PPFIBP2: variants seen among roughly 807,000 people sequenced by gnomAD.
The protein encoded by PPFIBP2 is PPFIB scaffold protein 2, also known as liprin-beta-2.
A neutral mutation model predicts 118.3 loss-of-function variants in PPFIBP2; 118 were observed. The ratio of observed to expected loss-of-function variants is 1.00; its 90% CI spans 0.86 to 1.16. The LOEUF is 1.16. PPFIBP2 is among the 50% of genes most tolerant of loss of function. The pLI is 0.00. For missense variants in PPFIBP2, 1,195 were observed against 1,073.1 expected, an observed-to-expected ratio of 1.11 and a Z score of -1.59; for synonymous variants, 414 against 397.4, an observed-to-expected ratio of 1.04 and a Z score of -0.50.
intron 1 of PPFIBP2, among the ~76,000 whole-genome samples, chr11:7,543,066 A>G (rs1379772694): frequency 6.6e-6 from 1 of 152,218 alleles, no homozygotes; most frequent in African/African-American, 2.4e-5. Flanking sequence ...GGAAGAAAGT[A>G]GTTGTTGGTT....
intron 2 of PPFIBP2, among the ~76,000 whole-genome samples, chr11:7,563,373 C>T (rs1234966787): frequency 6.6e-6 from 1 of 152,158 alleles, no homozygotes; most frequent in Non-Finnish European, 1.5e-5. Context: ...TTTGTAGGAG[C>T]CAGAAAGTGC....
At chr11:7,610,103 C>T (rs762755206) in intron 5 of PPFIBP2, among the ~76,000 whole-genome samples, 188 bp from the exon 6 acceptor site, 3 of 152,112 alleles carry the variant, frequency 2.0e-5, no homozygotes, top group Non-Finnish European at 4.4e-5. Context: ...ATTGGGGGTG[C>T]GCTATCCCTG....
At chr11:7,567,245 A>G (rs181771414) in intron 3 of PPFIBP2, among the ~76,000 whole-genome samples, 188 of 152,352 alleles carry the variant, frequency 1.2e-3, no homozygotes, top group African/African-American at 4.3e-3. Flanking sequence ...GTTAACTCCA[A>G]TCCATCAACA....
At chr11:7,566,434 G>A (rs1854993398) in intron 3 of PPFIBP2, among the ~76,000 whole-genome samples, 1 of 152,044 alleles carries the variant, frequency 6.6e-6, no homozygotes, top group Non-Finnish European at 1.5e-5. Flanking sequence ...ATGGCTCACT[G>A]CAGCCTCGAC....
intron 23 of PPFIBP2, 144 bp downstream of exon 23, chr11:7,651,988 TCTGTGAGGCCAGTC>T: frequency 1.3e-6 from 1 of 786,780 alleles, no homozygotes; most frequent in Non-Finnish European, 1.9e-6. Context: ...GGGCTTGTGG[TCTGTGAGGCCAGTC>T]TTTGTTAAGC....
At chr11:7,621,097 G>C (rs895598694) in intron 7 of PPFIBP2, 70 bp downstream of exon 7, 1 of 1,265,154 alleles carries the variant, frequency 7.9e-7, no homozygotes, top group Non-Finnish European at 1.2e-6. Flanking sequence ...ATTCCAACTT[G>C]GGGGTTTCCA....
At chr11:7,596,124 C>T (rs1049945932) in intron 4 of PPFIBP2, among the ~76,000 whole-genome samples, 3 of 152,170 alleles carry the variant, frequency 2.0e-5, no homozygotes, top group Admixed American at 6.5e-5. Flanking sequence ...TCCTATGATT[C>T]CTTGAGTATC....
intron 1 of PPFIBP2, among the ~76,000 whole-genome samples, chr11:7,547,008 A>G (rs979156704): frequency 1.4e-4 from 22 of 152,236 alleles, no homozygotes; most frequent in Non-Finnish European, 2.9e-5. Flanking sequence ...CCATTTATTC[A>G]TAAGTATCTA....
chr11:7,666,137 G>C, the PPFIBP2 span: 1 of 607,844 alleles, frequency 1.6e-6, no homozygotes, highest in Non-Finnish European at 2.9e-6. Context: ...GCCCATATTA[G>C]ATGTGTATGT....
chr11:7,664,251 A>C, the PPFIBP2 span, among the ~76,000 whole-genome samples: 2 of 152,150 alleles, frequency 1.3e-5, no homozygotes, highest in African/African-American at 2.4e-5. Flanking sequence ...TTGAATTTGG[A>C]AACATGAATC....
At chr11:7,546,440 G>A (rs902932060) in intron 1 of PPFIBP2, among the ~76,000 whole-genome samples, 10 of 152,178 alleles carry the variant, frequency 6.6e-5, no homozygotes, top group African/African-American at 2.2e-4. Flanking sequence ...CAAACTCATC[G>A]CTGGGCAGAG....
At chr11:7,649,680 A>T (rs1430068505) in intron 21 of PPFIBP2, 26 bp downstream of exon 21, 1 of 1,613,606 alleles carries the variant, frequency 6.2e-7, no homozygotes, top group Middle Eastern at 1.7e-4. Flanking sequence ...GTATCTCTCC[A>T]GGTAGCCCTG....
chr11:7,587,296 A>G (rs1348418348), intron 3 of PPFIBP2, among the ~76,000 whole-genome samples: 1 of 152,218 alleles, frequency 6.6e-6, no homozygotes, highest in Non-Finnish European at 1.5e-5. Context: ...GGTTTGAACT[A>G]TAGTTGGCTT....
At chr11:7,591,044 G>A (rs900812275) in intron 3 of PPFIBP2, among the ~76,000 whole-genome samples, 5 of 152,090 alleles carry the variant, frequency 3.3e-5, no homozygotes, top group African/African-American at 9.7e-5. Context: ...CCCCCTTCTA[G>A]CATGTGCTAT....
At chr11:7,600,415 C>CTT (rs912145349) in intron 5 of PPFIBP2, among the ~76,000 whole-genome samples, 17 of 152,218 alleles carry the variant, frequency 1.1e-4, no homozygotes, top group African/African-American at 3.9e-4. Flanking sequence ...ATATCTCTGG[C>CTT]TTGGAGTATG....
At chr11:7,632,661 G>C (rs770450497) in intron 11 of PPFIBP2, 49 of 506,026 alleles carry the variant, frequency 9.7e-5, no homozygotes, top group Middle Eastern at 1.1e-3. Flanking sequence ...CCAGGAAGGA[G>C]AGGCAAGCTG....
intron 1 of PPFIBP2, among the ~76,000 whole-genome samples, chr11:7,542,225 A>C (rs1851863675): frequency 6.6e-6 from 1 of 152,220 alleles, no homozygotes; most frequent in Non-Finnish European, 1.5e-5. Flanking sequence ...CAGGGGGAGA[A>C]TAATTCCTAA....
At chr11:7,541,842 C>G (rs1851817804) in intron 1 of PPFIBP2, among the ~76,000 whole-genome samples, 1 of 152,166 alleles carries the variant, frequency 6.6e-6, no homozygotes, top group African/African-American at 2.4e-5. Context: ...TCCTGCAGGC[C>G]TCCACATTCT....
intron 6 of PPFIBP2, among the ~76,000 whole-genome samples, chr11:7,612,974 G>A (rs567406753): frequency 1.3e-5 from 2 of 152,330 alleles, no homozygotes; most frequent in South Asian, 2.1e-4. Context: ...GTCACCAGAG[G>A]TTGTAATTGC....
Sources: gnomAD v4.1 joint callset for allele counts (sites outside exome capture counted in the v4.1 genomes callset) on GRCh38, gnomAD v4.1.1 for gene constraint, MANE v1.5 for transcripts, NCBI Gene and HGNC (gene_info 2026-07-23, HGNC 2026-07-21) for gene names.